Variants in TRDN observed in about 807,000 individuals in gnomAD.
TRDN encodes triadin.
A neutral mutation model predicts 149.7 loss-of-function variants in TRDN; 161 were observed. The ratio of observed to expected loss-of-function variants is 1.08; its 90% CI spans 0.95 to 1.23. TRDN has a LOEUF of 1.23. Among genes scored for constraint, TRDN ranks in the 50% most tolerant of loss-of-function variants. TRDN has a pLI of 0.00. For missense variants in TRDN, 896 were observed against 823.5 expected (o/e 1.09, Z -1.08); for synonymous variants, 294 against 250.5 (o/e 1.17, Z -1.64).
chr6:123,489,124 A>C (rs1316804193), intron 9 of TRDN, among the ~76,000 whole-genome samples: 1 of 152,090 alleles, frequency 6.6e-6, no homozygotes, highest in Non-Finnish European at 1.5e-5. Context: ...CAATATCTCA[A>C]GGTCTATTTC....
chr6:123,576,587 C>T (rs561439170), intron 1 of TRDN, among the ~76,000 whole-genome samples: 22 of 152,086 alleles, frequency 1.4e-4, no homozygotes, highest in South Asian at 8.3e-4. Flanking sequence ...TCTCCCAGGC[C>T]GCTTTTATAA....
In TRDN at chr6:123,464,897, A is replaced by G. The variant is rs2114709001; in HGVS notation, c.931+9T>C. On this transcript the variant is annotated intron_variant, in intron 10 of 40. Coordinates refer to ENST00000334268, the MANE Select transcript of TRDN (RefSeq NM_006073.4). The stretch of plus-strand genomic sequence containing the variant: ...AATAGAGATCTTTAAGAAAAAAAAA[A>G]GTACTTGCCTTCAAGGGCAGGTGAT... 1 of 1,567,556 alleles carries G rather than the reference A, an allele frequency of 6.4e-7. No individual in the cohort carries two copies. Among genetic ancestry groups the G allele is most frequent in the East Asian group, 2.3e-5 (1 of 42,944 alleles).
Position 123,622,251 on chromosome 6 carries a change from A to T in TRDN, c.22+14503T>A, listed in dbSNP as rs182192178. 3.9e-3 allele frequency among the ~76,000 whole-genome samples: 591 copies of T among 152,076 alleles called. 7 individuals are homozygous for T. The highest frequency in any genetic ancestry group is 0.013 in the African/African-American group (553 of 41,496). On this transcript the variant is annotated intron_variant, in intron 1 of 40. Transcript: ENST00000334268. ...ATTTTATCTTCTTTATGATTTTCTT[A>T]AAAAACATTTTCCTTTCCCTAGCTT...
In TRDN at chr6:123,502,340, T is replaced by C. The variant is rs547582974; in HGVS notation, c.793+1379A>G. ...GGAAGTAATAATTAACTTTTAAATT[T>C]TTTTCATGGTGATATAATCACCTTG... On this transcript the variant is annotated intron_variant, in intron 8 of 40. Coordinates refer to ENST00000334268, the MANE Select transcript of TRDN (RefSeq NM_006073.4). 1.8e-4 allele frequency: 144 copies of C among 783,660 alleles called. 2 individuals carry two copies. In the African/African-American group the frequency reaches 2.5e-3, roughly 14 times the overall value. The allele number at this position is 783,660 out of a possible 1,614,324, so 48.5% of individuals were successfully genotyped here. A position where few individuals can be genotyped will look rare whatever the true frequency, so the allele number is the denominator to read the frequency against.
intron 1 of TRDN, among the ~76,000 whole-genome samples, chr6:123,631,329 G>A (rs979229730): frequency 6.6e-6 from 1 of 151,702 alleles, no homozygotes; most frequent in Non-Finnish European, 1.5e-5. Flanking sequence ...ATTTTTTCTT[G>A]CATCATGTTG....
At chr6:123,620,933 A>G (rs750816020) in intron 1 of TRDN, among the ~76,000 whole-genome samples, 8 of 152,148 alleles carry the variant, frequency 5.3e-5, no homozygotes, top group Non-Finnish European at 8.8e-5. Flanking sequence ...GCAAAAACTC[A>G]GTTGCTCTCA....
chr6:123,444,421 C>A (rs1336089148), intron 10 of TRDN, among the ~76,000 whole-genome samples: 3 of 146,728 alleles, frequency 2.0e-5, no homozygotes, highest in Non-Finnish European at 3.0e-5. Flanking sequence ...AGATTTTGGG[C>A]TGAGACAATG....
At chr6:123,456,497 C>T (rs1267679819) in intron 10 of TRDN, among the ~76,000 whole-genome samples, 2 of 151,474 alleles carry the variant, frequency 1.3e-5, no homozygotes, top group Non-Finnish European at 2.9e-5. Flanking sequence ...GAGACAGGGC[C>T]TCACTTTGTT....
rs71574831 is a variant in TRDN, at chr6:123,619,715, T to A, written c.22+17039A>T. On this transcript the variant is annotated intron_variant, in intron 1 of 40. Transcript: ENST00000334268. ...CTTTTGAAAAATACAATCTGTCACA[T>A]ACAGACATCCATATATGAAATAACA... 3.2e-3 allele frequency among the ~76,000 whole-genome samples: 489 copies of A among 152,122 alleles called. 1 individual carries two copies. The highest frequency in any genetic ancestry group is 5.6e-3 in the Non-Finnish European group (379 of 68,006).
chr6:123,498,318 A>T, intron 8 of TRDN: 3 of 273,966 alleles, frequency 1.1e-5, no homozygotes, highest in Non-Finnish European at 2.2e-5. Flanking sequence ...GATTTTTGTA[A>T]ATCTCGTTCT....
chr6:123,615,349 C>T (rs961699877), intron 1 of TRDN, among the ~76,000 whole-genome samples: 10 of 152,100 alleles, frequency 6.6e-5, no homozygotes, highest in Non-Finnish European at 1.2e-4. Flanking sequence ...ACTGCACTCC[C>T]AGGTTTAGTG....
chr6:123,291,161 A>G (rs904107332), intron 24 of TRDN, among the ~76,000 whole-genome samples: 1 of 152,160 alleles, frequency 6.6e-6, no homozygotes, highest in Admixed American at 6.6e-5. Flanking sequence ...TGTCAAAAAA[A>G]ATGTATTTTC....
intron 38 of TRDN, among the ~76,000 whole-genome samples, chr6:123,231,797 T>C (rs747445934): frequency 6.6e-6 from 1 of 151,966 alleles, no homozygotes; most frequent in Non-Finnish European, 1.5e-5. Context: ...CTACATGACT[T>C]AAAACAAAAT....
chr6:123,281,916 C>T (rs974644916), intron 24 of TRDN, among the ~76,000 whole-genome samples: 16 of 152,014 alleles, frequency 1.1e-4, no homozygotes, highest in African/African-American at 3.6e-4. Flanking sequence ...TCCCAAAATA[C>T]ATGTGGAAGT....
At chr6:123,576,564 C>T (rs977931220) in intron 1 of TRDN, among the ~76,000 whole-genome samples, 9 of 152,092 alleles carry the variant, frequency 5.9e-5, no homozygotes, top group South Asian at 4.2e-4. Flanking sequence ...TTGAGTGGAA[C>T]GGATGAGGAG....
chr6:123,320,457 G>GA (rs536491608), intron 23 of TRDN, among the ~76,000 whole-genome samples: 105 of 151,850 alleles, frequency 6.9e-4, no homozygotes, highest in Non-Finnish European at 1.1e-3. Context: ...AATATTTGTT[G>GA]AAAAAATGGA....
At chr6:123,383,700 C>T (rs752299091) in intron 14 of TRDN, among the ~76,000 whole-genome samples, 4 of 151,906 alleles carry the variant, frequency 2.6e-5, no homozygotes, top group Non-Finnish European at 5.9e-5. Flanking sequence ...TATAAAATGA[C>T]TTTATGTGTG....
intron 8 of TRDN, among the ~76,000 whole-genome samples, chr6:123,499,719 A>AT (rs1554249831): frequency 0.011 from 548 of 47,658 alleles, 23 homozygotes; most frequent in African/African-American, 0.018. Flanking sequence ...AAAAAAAAAA[A>AT]ATATATATAT....
At chr6:123,512,511 T>A in intron 6 of TRDN, 149 bp from the exon 7 acceptor site, 1 of 504,352 alleles carries the variant, frequency 2.0e-6, no homozygotes, top group East Asian at 3.1e-5. Context: ...AAATAAAGAG[T>A]TACCAGTGTA....
Sources: gnomAD v4.1 joint callset for allele counts (sites outside exome capture counted in the v4.1 genomes callset) on GRCh38, gnomAD v4.1.1 for gene constraint, MANE v1.5 for transcripts, NCBI Gene and HGNC (gene_info 2026-07-23, HGNC 2026-07-21) for gene names.